CLPB: variants seen among roughly 807,000 people sequenced by gnomAD.
The protein encoded by CLPB is mitochondrial disaggregase.
A neutral mutation model predicts 78.4 loss-of-function variants in CLPB; 40 were observed. The observed-to-expected ratio is 0.51, with a 90% CI of 0.40 to 0.66. CLPB has a LOEUF of 0.66. Ranked by LOEUF, CLPB falls within the 30% of genes least tolerant of loss-of-function variation. CLPB has a pLI of 0.00. For synonymous variants in CLPB, 333 were observed against 348.0 expected (o/e 0.96, Z 0.48); for missense variants, 780 against 886.9 (o/e 0.88, Z 1.53).
Position 72,290,361 on chromosome 11 carries a change from T to TATC in CLPB, c.*3003_*3005dup. The TATC allele has an allele frequency of 6.6e-6, 1 of 152,250 alleles. No individual in the cohort carries two copies. Among genetic ancestry groups the TATC allele is most frequent in the Non-Finnish European group, 1.5e-5 (1 of 68,016 alleles). 9.4% of individuals were successfully genotyped at this position (152,250 alleles called of 1,614,324 possible). A position where few individuals can be genotyped will look rare whatever the true frequency, so the allele number is the denominator to read the frequency against. ...TCCACTCATTCATACTGATATAAATTATCAAATAAATAAATGGGGAAAAGG... is the reference window on the plus strand; with the variant it reads ...TCCACTCATTCATACTGATATAAATTATCATCAAATAAATAAATGGGGAAAAGG... On this transcript the variant is annotated 3_prime_UTR_variant, in exon 16 of 16. Transcript: ENST00000538039.
chr11:72,318,663 T>C (rs1949992997), intron 6 of CLPB, among the ~76,000 whole-genome samples: 1 of 152,196 alleles, frequency 6.6e-6, no homozygotes, highest in South Asian at 2.1e-4. Flanking sequence ...GTAGTGACCT[T>C]GACAGAAGTT....
chr11:72,397,489 A>G (rs190214291), intron 3 of CLPB, among the ~76,000 whole-genome samples: 16 of 152,258 alleles, frequency 1.1e-4, no homozygotes, highest in African/African-American at 3.9e-4. Flanking sequence ...ATGCATTCCT[A>G]TCAGTGATGT....
intron 7 of CLPB, among the ~76,000 whole-genome samples, chr11:72,315,556 A>T (rs1026808960): frequency 6.6e-6 from 1 of 152,230 alleles, no homozygotes; most frequent in Non-Finnish European, 1.5e-5. Context: ...CAGCCTTGCT[A>T]GAGGCCCTGC....
intron 3 of CLPB, among the ~76,000 whole-genome samples, chr11:72,390,946 G>A (rs1254576875): frequency 6.6e-6 from 1 of 152,164 alleles, no homozygotes; most frequent in African/African-American, 2.4e-5. Context: ...AGGTAAATGT[G>A]GTAGTCACAC....
intron 4 of CLPB, among the ~76,000 whole-genome samples, chr11:72,373,202 C>T (rs546307151): frequency 6.6e-6 from 1 of 152,278 alleles, no homozygotes; most frequent in Non-Finnish European, 1.5e-5. Context: ...AGAAGAGAGG[C>T]TGATTTATAG....
chr11:72,319,017 C>G (rs994307592), intron 6 of CLPB, among the ~76,000 whole-genome samples: 1 of 152,176 alleles, frequency 6.6e-6, no homozygotes, highest in African/African-American at 2.4e-5. Flanking sequence ...ATGGAAGGAG[C>G]CTGAAGGGAT....
chr11:72,293,833 T>C (rs990169759), intron 15 of CLPB, among the ~76,000 whole-genome samples, 189 bp downstream of exon 15: 1 of 152,220 alleles, frequency 6.6e-6, no homozygotes, highest in African/African-American at 2.4e-5. Context: ...GGGTTCATAC[T>C]GGGCTACCCT....
chr11:72,400,511 T>C (rs1171630936), intron 3 of CLPB, among the ~76,000 whole-genome samples: 2 of 152,224 alleles, frequency 1.3e-5, no homozygotes, highest in South Asian at 2.1e-4. Flanking sequence ...TGATCACTAA[T>C]TGACAGTATT....
At chr11:72,345,100 C>T (rs900416637) in intron 5 of CLPB, among the ~76,000 whole-genome samples, 1 of 152,190 alleles carries the variant, frequency 6.6e-6, no homozygotes. Flanking sequence ...CATGGTACAA[C>T]TCGTACGGAG....
At chr11:72,323,385 G>T (rs1950076937) in intron 6 of CLPB, among the ~76,000 whole-genome samples, 1 of 151,952 alleles carries the variant, frequency 6.6e-6, no homozygotes, top group Admixed American at 6.6e-5. Flanking sequence ...TAGCCAACAT[G>T]GTGAAACCTC....
intron 5 of CLPB, among the ~76,000 whole-genome samples, chr11:72,330,156 A>C (rs1442360060): frequency 6.6e-6 from 1 of 152,272 alleles, no homozygotes; most frequent in African/African-American, 2.4e-5. Context: ...ATCAGCATAC[A>C]GATAAACATT....
At chr11:72,347,554 A>ATGAGATTTGATT (rs1271492263) in intron 5 of CLPB, among the ~76,000 whole-genome samples, 5 of 152,238 alleles carry the variant, frequency 3.3e-5, no homozygotes, top group African/African-American at 7.2e-5. Flanking sequence ...TTGATTGGAG[A>ATGAGATTTGATT]TGGGGTGAGA....
intron 2 of CLPB, chr11:72,428,870 T>A (rs1322246755): frequency 6.6e-6 from 1 of 152,220 alleles, no homozygotes; most frequent in Non-Finnish European, 1.5e-5. Flanking sequence ...AAACATGTAT[T>A]TGAAAGAACT....
chr11:72,322,755 AT>A (rs954888940), intron 6 of CLPB, among the ~76,000 whole-genome samples: 18 of 151,782 alleles, frequency 1.2e-4, no homozygotes, highest in African/African-American at 2.9e-4. Context: ...TTTCTTCACT[AT>A]TTTTTTTCCC....
intron 3 of CLPB, among the ~76,000 whole-genome samples, chr11:72,400,799 G>A (rs1855538731): frequency 6.6e-6 from 1 of 152,186 alleles, no homozygotes; most frequent in Non-Finnish European, 1.5e-5. Flanking sequence ...ATTCTCCAAA[G>A]AATATGGTGA....
chr11:72,386,361 A>G, intron 3 of CLPB, among the ~76,000 whole-genome samples: 1 of 152,184 alleles, frequency 6.6e-6, no homozygotes, highest in South Asian at 2.1e-4. Context: ...AAAACTGCTA[A>G]TGCTTCTGCA....
At chr11:72,418,350 G>A (rs1014026709) in intron 2 of CLPB, among the ~76,000 whole-genome samples, 2 of 152,216 alleles carry the variant, frequency 1.3e-5, no homozygotes, top group African/African-American at 4.8e-5. Flanking sequence ...AGCAACTGAA[G>A]AGAAAAGTGA....
At chr11:72,299,098 C>T (rs995006077) in intron 11 of CLPB, among the ~76,000 whole-genome samples, 2 of 152,228 alleles carry the variant, frequency 1.3e-5, no homozygotes, top group Non-Finnish European at 2.9e-5. Flanking sequence ...TCACCTTCCT[C>T]TTCAATCTGC....
intron 4 of CLPB, chr11:72,363,396 T>C (rs1950878696): frequency 6.6e-6 from 1 of 152,188 alleles, no homozygotes; most frequent in African/African-American, 2.4e-5. Context: ...AAGACAACCC[T>C]AGCTTTGAGT....
Sources: allele counts gnomAD v4.1 joint callset (sites outside exome capture counted in the v4.1 genomes callset), GRCh38; gene constraint gnomAD v4.1.1; transcripts MANE v1.5; gene names NCBI Gene and HGNC (gene_info 2026-07-23, HGNC 2026-07-21).